The following RUNX1 variants were observed in gnomAD, a reference collection of about 807,000 sequenced individuals.
RUNX1 encodes runt-related transcription factor 1.
A neutral mutation model predicts 42.8 loss-of-function variants in RUNX1; 19 were observed. The ratio of observed to expected loss-of-function variants is 0.44; its 90% CI spans 0.31 to 0.65. The LOEUF is 0.65. Among genes scored for constraint, RUNX1 ranks in the 30% least tolerant of loss-of-function variants. RUNX1 has a pLI of 0.07. For missense variants in RUNX1, 528 were observed against 672.0 expected, an observed-to-expected ratio of 0.79 and a Z score of 2.37; for synonymous variants, 271 against 289.4, an observed-to-expected ratio of 0.94 and a Z score of 0.64.
rs1270628676 is a variant in RUNX1 at position 34,856,881 on chromosome 21, C to CAAA, written c.613+2592_613+2593insTTT. On this transcript the variant is annotated intron_variant, in intron 6 of 8. Coordinates refer to ENST00000675419, the MANE Select transcript of RUNX1 (RefSeq NM_001754.5). ...CATCCTGATTTACATGCAGTGTCCT[C>CAAA]TCTTTATGTTACACTGGAAAGCAAC... Among the ~76,000 whole-genome samples the CAAA allele has an allele frequency of 3.7e-3, 570 of 152,308 alleles. 3 individuals are homozygous for CAAA. The highest frequency in any genetic ancestry group is 0.013 in the African/African-American group (550 of 41,562).
chr21:34,940,472 T>A (rs2058518452), intron 2 of RUNX1, among the ~76,000 whole-genome samples: 1 of 152,240 alleles, frequency 6.6e-6, no homozygotes, highest in Non-Finnish European at 1.5e-5. Context: ...GTTTTTAACA[T>A]CAGTTCTCTG....
rs1476636108 is a variant in RUNX1, at chr21:34,792,620, G to A, written c.968-10C>T. 2 of 1,576,168 alleles carry A rather than the reference G, an allele frequency of 1.3e-6. No homozygotes were observed. The highest frequency in any genetic ancestry group is 1.8e-5 in the Admixed American group (1 of 54,416). ...GTCAGGTCGGGTGCCGCTGCAGGGCGGGCAAGAGAACGGAGCGGAAGTGAG... is the reference window on the plus strand; with the variant it reads ...GTCAGGTCGGGTGCCGCTGCAGGGCAGGCAAGAGAACGGAGCGGAAGTGAG... On this transcript the variant is annotated splice_polypyrimidine_tract_variant and intron_variant, in intron 8 of 8. Coordinates refer to ENST00000675419, the MANE Select transcript of RUNX1 (RefSeq NM_001754.5). This position sits in a 1 kb window ranked among gnomAD's most constrained non-coding sequence, Gnocchi z 6.9.
chr21:34,904,704 A>T (rs1480763491), intron 2 of RUNX1, among the ~76,000 whole-genome samples: 1 of 152,190 alleles, frequency 6.6e-6, no homozygotes, highest in Non-Finnish European at 1.5e-5. Flanking sequence ...TTATTGGTTG[A>T]TACAGCACTT....
intron 2 of RUNX1, among the ~76,000 whole-genome samples, chr21:34,928,749 C>T (rs183746468): frequency 6.6e-6 from 1 of 151,690 alleles, no homozygotes; most frequent in East Asian, 1.9e-4. Context: ...TTATATGTTT[C>T]TTGAGATAAA....
At chr21:34,847,069 T>C (rs1422574337) in intron 6 of RUNX1, among the ~76,000 whole-genome samples, 1 of 152,218 alleles carries the variant, frequency 6.6e-6, no homozygotes, top group Non-Finnish European at 1.5e-5. Flanking sequence ...CAGCAACTCT[T>C]AGGTGCTCTG....
intron 5 of RUNX1, among the ~76,000 whole-genome samples, chr21:34,860,989 C>T (rs1248917524): frequency 6.6e-6 from 1 of 152,158 alleles, no homozygotes; most frequent in African/African-American, 2.4e-5. Flanking sequence ...GCCCATTGTG[C>T]CTTTATAACT....
chr21:35,033,823 G>T (rs923102815), intron 2 of RUNX1, among the ~76,000 whole-genome samples: 4 of 152,214 alleles, frequency 2.6e-5, no homozygotes, highest in African/African-American at 9.6e-5. Context: ...AAGAAATACT[G>T]ATGATCCCCA....
At chr21:34,833,727 A>G (rs1293774823) in intron 7 of RUNX1, 3 of 167,302 alleles carry the variant, frequency 1.8e-5, no homozygotes, top group African/African-American at 7.2e-5. Context: ...ATCACAGAGC[A>G]AACAGTCATT....
intron 6 of RUNX1, among the ~76,000 whole-genome samples, chr21:34,852,280 A>G (rs1004543062): frequency 6.6e-6 from 1 of 152,110 alleles, no homozygotes. Flanking sequence ...ACGCCAGCTC[A>G]CTCAGAGCTG....
intron 5 of RUNX1, among the ~76,000 whole-genome samples, chr21:34,867,128 G>A (rs2057673889): frequency 6.6e-6 from 1 of 152,076 alleles, no homozygotes; most frequent in Non-Finnish European, 1.5e-5. Flanking sequence ...CAGGCATGGT[G>A]GCACATGCCT....
At chr21:34,938,346 AG>A (rs982504908) in intron 2 of RUNX1, among the ~76,000 whole-genome samples, 21 of 152,324 alleles carry the variant, frequency 1.4e-4, no homozygotes, top group Non-Finnish European at 2.5e-4. Context: ...TTACTAATTA[AG>A]GGATAAATTA....
At chr21:35,023,329 A>C (rs2059213054) in intron 2 of RUNX1, among the ~76,000 whole-genome samples, 1 of 152,254 alleles carries the variant, frequency 6.6e-6, no homozygotes, top group African/African-American at 2.4e-5. Flanking sequence ...GAAAATTAAC[A>C]ATCAAGTCTT....
At chr21:34,973,454 T>C (rs2058777367) in intron 2 of RUNX1, among the ~76,000 whole-genome samples, 3 of 152,226 alleles carry the variant, frequency 2.0e-5, no homozygotes, top group Admixed American at 6.5e-5. Context: ...AATTTTTGTA[T>C]GTGAATTTTA....
chr21:35,013,522 C>T (rs78152003), intron 2 of RUNX1, among the ~76,000 whole-genome samples: 253 of 152,118 alleles, frequency 1.7e-3, no homozygotes, highest in African/African-American at 5.7e-3. Flanking sequence ...GACCCTCATC[C>T]CCAAATTGGA....
intron 2 of RUNX1, among the ~76,000 whole-genome samples, chr21:35,026,728 T>C (rs2059239718): frequency 6.6e-6 from 1 of 152,078 alleles, no homozygotes; most frequent in African/African-American, 2.4e-5. Flanking sequence ...AGGGGATCCT[T>C]TAGAAAAAGC....
chr21:34,856,354 TAGAC>T (rs1272959761), intron 6 of RUNX1: 4 of 518,906 alleles, frequency 7.7e-6, no homozygotes, highest in Admixed American at 5.8e-5. Context: ...CCTTCTATAA[TAGAC>T]AGTCTTCGAG....
At position 34,803,829 on chromosome 21, in the gene RUNX1, G is replaced by C. The variant is rs192203361; in HGVS notation, c.806-4367C>G. Among the ~76,000 whole-genome samples, 245 of 152,258 alleles carry C rather than the reference G, an allele frequency of 1.6e-3. 1 individual carries two copies. The highest frequency in any genetic ancestry group is 2.2e-3 in the Non-Finnish European group (148 of 68,020). On this transcript the variant is annotated intron_variant, in intron 7 of 8. Coordinates refer to ENST00000675419, the MANE Select transcript of RUNX1 (RefSeq NM_001754.5). ...GGTGTACACGGCATATATCACACAAGAAGAAAGGAGAATGCTTTTATCTTT... is the reference window on the plus strand; with the variant it reads ...GGTGTACACGGCATATATCACACAACAAGAAAGGAGAATGCTTTTATCTTT...
chr21:34,865,119 A>G (rs2057638112), intron 5 of RUNX1, among the ~76,000 whole-genome samples: 1 of 152,070 alleles, frequency 6.6e-6, no homozygotes, highest in African/African-American at 2.4e-5. Flanking sequence ...TGCTGAATAT[A>G]CAAGCAGAGC....
At position 34,916,246 on chromosome 21, in the gene RUNX1, C is replaced by T. The variant is rs181815089; in HGVS notation, c.59-23283G>A. Among the ~76,000 whole-genome samples the T allele has an allele frequency of 3.3e-5, 5 of 152,228 alleles. No individual in the cohort carries two copies. The East Asian group carries it at 7.7e-4, about 24-fold the overall frequency. ...ACAGCTGCTATAAGTTTGTGTTTCA[C>T]GGGTGGGAGAAAGGGATAATTTCTG... On this transcript the variant is annotated intron_variant, in intron 2 of 8. Transcript: ENST00000675419.
Sources: gnomAD v4.1 joint callset for allele counts (sites outside exome capture counted in the v4.1 genomes callset) on GRCh38, gnomAD v4.1.1 for gene constraint, Gnocchi (gnomAD v3.1) non-coding constraint, MANE v1.5 for transcripts, NCBI Gene and HGNC (gene_info 2026-07-23, HGNC 2026-07-21) for gene names.